Variants in ATP8B4 observed in about 807,000 individuals in gnomAD.
ATP8B4 encodes ATPase phospholipid transporting 8B4 (putative).
In ATP8B4, 133 loss-of-function variants were observed where a neutral mutation model predicts 145.6. That is an observed-to-expected ratio of 0.91 (90% CI 0.79 to 1.05). ATP8B4 has a LOEUF of 1.05. ATP8B4 is among the 50% of genes least tolerant of loss of function. ATP8B4 has a pLI of 0.00. For missense variants in ATP8B4, 1,458 were observed against 1,425.2 expected, an observed-to-expected ratio of 1.02 and a Z score of -0.37; for synonymous variants, 507 against 492.9, an observed-to-expected ratio of 1.03 and a Z score of -0.38.
In ATP8B4 at chr15:50,161,037, T is replaced by A. The variant is rs555004739; in HGVS notation, c.-43+21224A>T. On this transcript the variant is annotated intron_variant, in intron 1 of 3. Coordinates refer to the ATP8B4 transcript ENST00000558829. ...TTTAGCTCTAATAACATTCACTTTA[T>A]GTATCTGGGTACTCCAGTGGTGGGT... Among the ~76,000 whole-genome samples, 7 of 152,268 alleles carry A rather than the reference T, an allele frequency of 4.6e-5. No homozygotes were observed. In the East Asian group the frequency reaches 1.3e-3, roughly 29 times the overall value.
chr15:50,074,337 T>C (rs2054041611), intron 2 of ATP8B4, 152 bp from the exon 3 acceptor site: 4 of 662,416 alleles, frequency 6.0e-6, no homozygotes, highest in African/African-American at 3.6e-5. Context: ...CCAGTGTACA[T>C]GTTGGAACAT....
At chr15:50,055,637 C>A (rs531830042) in intron 3 of ATP8B4, among the ~76,000 whole-genome samples, 1 of 152,248 alleles carries the variant, frequency 6.6e-6, no homozygotes, top group Non-Finnish European at 1.5e-5. Context: ...AACATCTAGC[C>A]CTTCTTGCCA....
chr15:50,005,448 G>A (rs1017935025), intron 7 of ATP8B4, among the ~76,000 whole-genome samples: 4 of 152,108 alleles, frequency 2.6e-5, no homozygotes, highest in Non-Finnish European at 5.9e-5. Context: ...TAATTGTGTC[G>A]TTTTACTCTC....
chr15:50,157,752 TCTC>T, intron 1 of ATP8B4, among the ~76,000 whole-genome samples: 1 of 130,070 alleles, frequency 7.7e-6, no homozygotes, highest in East Asian at 2.8e-4. Flanking sequence ...TCCCTCTCCC[TCTC>T]CCCACGGTCT....
At chr15:50,042,292 ATTAT>A (rs1271537724) in intron 5 of ATP8B4, among the ~76,000 whole-genome samples, 1 of 152,224 alleles carries the variant, frequency 6.6e-6, no homozygotes, top group African/African-American at 2.4e-5. Context: ...AGACACATGC[ATTAT>A]TTGTGTGTAT....
At chr15:50,011,701 C>T (rs79579373) in intron 6 of ATP8B4, among the ~76,000 whole-genome samples, 2,414 of 152,252 alleles carry the variant, frequency 0.016, 24 homozygotes, top group Non-Finnish European at 0.025. Context: ...TGGATGCAGA[C>T]CACCTGGGCC....
intron 1 of ATP8B4, among the ~76,000 whole-genome samples, chr15:50,163,999 T>C (rs1432860835): frequency 6.6e-6 from 1 of 152,152 alleles, no homozygotes; most frequent in African/African-American, 2.4e-5. Context: ...TGGTGAATGC[T>C]GCCAGGCCTG....
At chr15:49,931,386 G>T (rs2153465316) in intron 15 of ATP8B4, 79 bp from the exon 16 acceptor site, 2 of 1,336,880 alleles carry the variant, frequency 1.5e-6, no homozygotes, top group South Asian at 1.4e-5. Flanking sequence ...CTCCAACTCA[G>T]TATTTAACAC....
chr15:50,066,892 A>G (rs182705184), intron 3 of ATP8B4, among the ~76,000 whole-genome samples: 1 of 152,048 alleles, frequency 6.6e-6, no homozygotes, highest in African/African-American at 2.4e-5. Flanking sequence ...CCTTCTATTA[A>G]AGATGTTTTC....
chr15:49,927,037 T>C (rs1375106678), intron 16 of ATP8B4, among the ~76,000 whole-genome samples: 2 of 152,152 alleles, frequency 1.3e-5, no homozygotes, highest in Admixed American at 1.3e-4. Flanking sequence ...TATCTGCCAC[T>C]TGCCCCTGTT....
intron 1 of ATP8B4, among the ~76,000 whole-genome samples, chr15:50,130,438 T>C (rs948695062): frequency 1.3e-5 from 2 of 152,242 alleles, no homozygotes; most frequent in East Asian, 3.9e-4. Context: ...AGTATTCTTA[T>C]ATAAGTCACT....
chr15:49,970,571 C>T (rs539837898), intron 13 of ATP8B4, among the ~76,000 whole-genome samples: 17 of 152,070 alleles, frequency 1.1e-4, no homozygotes, highest in African/African-American at 1.7e-4. Context: ...ACAAGGAATG[C>T]GAAGGACCTT....
intron 21 of ATP8B4, among the ~76,000 whole-genome samples, chr15:49,899,563 A>G (rs1240522990): frequency 1.3e-5 from 2 of 152,122 alleles, no homozygotes; most frequent in African/African-American, 4.8e-5. Context: ...GTGAGTTGGC[A>G]TTTTCAAATA....
chr15:50,057,714 T>C (rs2153619143), intron 3 of ATP8B4, among the ~76,000 whole-genome samples: 2 of 152,334 alleles, frequency 1.3e-5, no homozygotes, highest in South Asian at 4.1e-4. Flanking sequence ...CCTGACAGCA[T>C]CACAAACTTT....
chr15:50,157,946 G>A (rs1264770924), intron 1 of ATP8B4, among the ~76,000 whole-genome samples: 10 of 151,978 alleles, frequency 6.6e-5, no homozygotes, highest in Admixed American at 2.0e-4. Context: ...TGGTGGAGAC[G>A]GGGTTTCGCT....
chr15:49,861,424 GTCTGTCTGTC>G (rs761719264), intron 27 of ATP8B4, among the ~76,000 whole-genome samples: 3 of 138,410 alleles, frequency 2.2e-5, no homozygotes, highest in Non-Finnish European at 3.2e-5. Context: ...GTGTGTGTGT[GTCTGTCTGTC>G]TGTCTGTCTG....
At chr15:49,903,545 GAA>G (rs1267309998) in intron 20 of ATP8B4, among the ~76,000 whole-genome samples, 1 of 152,044 alleles carries the variant, frequency 6.6e-6, no homozygotes, top group African/African-American at 2.4e-5. Context: ...AGGATGGTTG[GAA>G]AAAAGAGTCG....
At chr15:50,023,779 C>CAAAAAAAAAAAAAAAAGAAAAAAAAA (rs2049778895) in intron 6 of ATP8B4, among the ~76,000 whole-genome samples, 4 of 75,056 alleles carry the variant, frequency 5.3e-5, no homozygotes, top group Non-Finnish European at 7.6e-5. Context: ...AGACCAAAGG[C>CAAAAAAAAAAAAAAAAGAAAAAAAAA]AAAAAAAAAA....
At chr15:49,983,962 T>C (rs887657438) in intron 10 of ATP8B4, among the ~76,000 whole-genome samples, 2 of 152,254 alleles carry the variant, frequency 1.3e-5, no homozygotes, top group African/African-American at 4.8e-5. Flanking sequence ...TGAGTGAAGG[T>C]ACTGCATTTG....
Sources: gnomAD v4.1 joint callset for allele counts (sites outside exome capture counted in the v4.1 genomes callset) on GRCh38, gnomAD v4.1.1 for gene constraint, MANE v1.5 for transcripts, NCBI Gene and HGNC (gene_info 2026-07-23, HGNC 2026-07-21) for gene names.